The following MED12L variants were observed in gnomAD, a reference collection of about 807,000 sequenced individuals.
MED12L encodes the protein mediator of RNA polymerase II transcription subunit 12-like protein.
Under a neutral mutation model 281.3 loss-of-function variants are expected in MED12L, and 60 were observed. The ratio of observed to expected loss-of-function variants is 0.21; its 90% CI spans 0.17 to 0.26. The LOEUF (loss-of-function observed/expected upper bound fraction) is 0.26. MED12L is among the 10% of genes least tolerant of loss of function. MED12L has a pLI of 1.00. For synonymous variants in MED12L, 974 were observed against 987.2 expected (o/e 0.99, Z 0.25); for missense variants, 2,146 against 2,680.9 (o/e 0.80, Z 4.41).
intron 16 of MED12L, among the ~76,000 whole-genome samples, chr3:151,343,094 A>AG (rs1752079642): frequency 6.6e-6 from 1 of 152,104 alleles, no homozygotes; most frequent in South Asian, 2.1e-4. Context: ...TCCCACTAAG[A>AG]GGCCCCAGTA....
intron 12 of MED12L, 41 bp from the exon 13 acceptor site, chr3:151,188,313 T>C: frequency 6.6e-7 from 1 of 1,520,954 alleles, no homozygotes; most frequent in Non-Finnish European, 9.1e-7. Flanking sequence ...GTTATGACTA[T>C]ACTTCTGTAA....
intron 39 of MED12L, among the ~76,000 whole-genome samples, chr3:151,406,937 C>G (rs892292204): frequency 6.6e-6 from 1 of 151,862 alleles, no homozygotes; most frequent in Non-Finnish European, 1.5e-5. Flanking sequence ...GTAGCTGAGA[C>G]TACAGGCACG....
At chr3:151,430,225 C>T (rs1577635776) in intron 43 of MED12L, 74 bp from the exon 44 acceptor site, 8 of 1,595,656 alleles carry the variant, frequency 5.0e-6, no homozygotes, top group South Asian at 3.3e-5. Context: ...ACTGGCCCTG[C>T]GAGTTAGTCT....
In MED12L at chr3:151,367,701, C is replaced by A; in HGVS notation, c.3383C>A (p.Ala1128Glu). The A allele has an allele frequency of 6.2e-7, 1 of 1,611,826 alleles. No individual in the cohort carries two copies. Among genetic ancestry groups the A allele is most frequent in the Non-Finnish European group, 8.5e-7 (1 of 1,178,576 alleles). Residue 1128 changes from alanine to glutamate, a missense_variant, in exon 24 of 45, where the codon GCA (alanine) becomes GAA (glutamate). By Grantham distance (107) the Ala-to-Glu change is moderately radical. Transcript: ENST00000687756. ...GCTACTTTCATTGCTATTCTGATAG[C>A]ACGACAGTGTTTTTCCCTGGAGGAC... ...SLATFIAILI[A>E]RQCFSLEDVV...
intron 16 of MED12L, among the ~76,000 whole-genome samples, chr3:151,262,830 T>C (rs1220436083): frequency 6.6e-6 from 1 of 152,174 alleles, no homozygotes; most frequent in Admixed American, 6.5e-5. Context: ...CATTAAAACC[T>C]GATAGCTTCT....
At chr3:151,285,366 T>A (rs1743339067) in intron 16 of MED12L, among the ~76,000 whole-genome samples, 1 of 152,002 alleles carries the variant, frequency 6.6e-6, no homozygotes, top group African/African-American at 2.4e-5. Context: ...GTGCCTGTAG[T>A]CCCAGCTACT....
Position 151,300,293 on chromosome 3 carries a change from G to T in MED12L, c.2251-49766G>T, listed in dbSNP as rs777927298. 5 of 612,186 alleles carry T rather than the reference G, an allele frequency of 8.2e-6. No homozygotes were observed. The East Asian group carries it at 1.4e-4, about 17-fold the overall frequency. The allele number at this position is 612,186 out of a possible 1,614,324, so 37.9% of individuals were successfully genotyped here. A position where few individuals can be genotyped will look rare whatever the true frequency, so the allele number is the denominator to read the frequency against. On this transcript the variant is annotated intron_variant, in intron 16 of 44. Transcript: ENST00000687756. ...TTTCAGTTAAAGCAATTGCCTCCAC[G>T]ATTCAGAAAGCATGTGCTCTTTGGA... is the stretch of plus-strand genomic sequence containing the variant.
At chr3:151,120,400 C>CT (rs1203149112) in intron 3 of MED12L, among the ~76,000 whole-genome samples, 3 of 152,116 alleles carry the variant, frequency 2.0e-5, no homozygotes, top group Admixed American at 2.0e-4. Flanking sequence ...CTCCAGCTGA[C>CT]TATGTATGAA....
At chr3:151,387,023 T>G (rs1040153445) in intron 36 of MED12L, among the ~76,000 whole-genome samples, 1 of 152,196 alleles carries the variant, frequency 6.6e-6, no homozygotes, top group Admixed American at 6.5e-5. Context: ...ACCTTAGTTT[T>G]AGATGAAGCT....
intron 21 of MED12L, 137 bp from the exon 22 acceptor site, chr3:151,364,842 T>A (rs3732762): frequency 0.73 from 465,413 of 633,676 alleles, 173,124 homozygotes; most frequent in African/African-American, 0.89. Flanking sequence ...TAAGAAGTTC[T>A]AATTAAGAAC....
At chr3:151,249,919 A>G (rs1736505454) in intron 16 of MED12L, among the ~76,000 whole-genome samples, 1 of 152,154 alleles carries the variant, frequency 6.6e-6, no homozygotes, top group Admixed American at 6.6e-5. Flanking sequence ...TATAGCATCA[A>G]CTTTTCCCAT....
At chr3:151,401,710 G>A (rs1715704394) in intron 39 of MED12L, among the ~76,000 whole-genome samples, 1 of 152,130 alleles carries the variant, frequency 6.6e-6, no homozygotes, top group African/African-American at 2.4e-5. Flanking sequence ...TAACTAATGT[G>A]TTTATTCAGA....
At chr3:151,415,328 A>G (rs1717418500) in intron 42 of MED12L, among the ~76,000 whole-genome samples, 2 of 152,236 alleles carry the variant, frequency 1.3e-5, no homozygotes, top group Admixed American at 1.3e-4. Flanking sequence ...GAAAAAGTTA[A>G]TAATGATGAA....
rs758470971 is a variant in MED12L at position 151,377,141 on chromosome 3, A to G, written c.4279A>G (p.Ser1427Gly). ...AAACAGTATTGGAAGTGCTGATACA[A>G]GTAGCACGAGACAGAATGGAATAAA... ...NPNSIGSADT[S>G]STRQNGIKTF... Residue 1427 changes from serine to glycine, a missense_variant, in exon 30 of 45, where the codon AGT becomes GGT. By Grantham distance (56) the Ser-to-Gly change is moderately conservative. Coordinates refer to ENST00000687756, the MANE Select transcript of MED12L (RefSeq NM_001393769.1). 8 of 1,613,804 alleles carry G rather than the reference A, an allele frequency of 5.0e-6. No individual in the cohort carries two copies. In the African/African-American group the frequency reaches 9.3e-5, roughly 19 times the overall value.
chr3:151,297,452 C>T (rs557870600), intron 16 of MED12L, among the ~76,000 whole-genome samples: 2 of 152,264 alleles, frequency 1.3e-5, no homozygotes, highest in South Asian at 2.1e-4. Flanking sequence ...GAGTTTAAAT[C>T]GGAATAAAGG....
Position 151,190,769 on chromosome 3 carries a change from C to T in MED12L, c.1806C>T (p.Leu602=). The change falls in exon 14 of 45, where the codon CTC becomes CTT. Residue 602 remains leucine, a synonymous_variant. Transcript: ENST00000687756. ...EKVEFVNLVL[L]FCEFIRHDVF... ...TGGAATTTGTGAACCTGGTGCTGCTCTTCTGCGAGTTCATCCGCCATGATG... is the reference window on the plus strand; with the variant it reads ...TGGAATTTGTGAACCTGGTGCTGCTTTTCTGCGAGTTCATCCGCCATGATG... The T allele has an allele frequency of 3.1e-6, 5 of 1,614,218 alleles. No homozygotes were observed. The highest frequency in any genetic ancestry group is 3.4e-6 in the Non-Finnish European group (4 of 1,180,040).
chr3:151,090,976 G>C (rs997413913), intron 2 of MED12L, among the ~76,000 whole-genome samples: 3 of 152,200 alleles, frequency 2.0e-5, no homozygotes, highest in African/African-American at 7.2e-5. Flanking sequence ...AGGAGGCGGA[G>C]GTTGCAGTGA....
chr3:151,386,469 A>T (rs1441887528), intron 36 of MED12L, among the ~76,000 whole-genome samples: 4 of 152,128 alleles, frequency 2.6e-5, no homozygotes. Context: ...TGCTCACTGC[A>T]ACCTCTGTCT....
At chr3:151,353,646 CTTTTA>C (rs1225117468) in intron 17 of MED12L, among the ~76,000 whole-genome samples, 3 of 152,132 alleles carry the variant, frequency 2.0e-5, no homozygotes, top group Non-Finnish European at 4.4e-5. Flanking sequence ...AGAGAAGTCT[CTTTTA>C]TTTTCATGTT....
Sources: gnomAD v4.1 joint callset for allele counts (sites outside exome capture counted in the v4.1 genomes callset) on GRCh38, gnomAD v4.1.1 for gene constraint, MANE v1.5 for transcripts, NCBI Gene and HGNC (gene_info 2026-07-23, HGNC 2026-07-21) for gene names.